The following ARHGAP44 variants were observed in gnomAD, a reference collection of about 807,000 sequenced individuals.
ARHGAP44 encodes the protein Rho GTPase activating protein 44.
A neutral mutation model predicts 106.8 loss-of-function variants in ARHGAP44; 43 were observed. That is an observed-to-expected ratio of 0.40 (90% CI 0.32 to 0.52). ARHGAP44 has a LOEUF of 0.52. Ranked by LOEUF, ARHGAP44 falls within the 20% of genes least tolerant of loss-of-function variation. ARHGAP44 has a pLI of 0.48. For missense variants in ARHGAP44, 866 were observed against 1,050.5 expected (o/e 0.82, Z 2.43); for synonymous variants, 439 against 410.3 (o/e 1.07, Z -0.85).
chr17:12,891,012 C>T (rs1337365457), intron 1 of ARHGAP44, among the ~76,000 whole-genome samples: 1 of 152,172 alleles, frequency 6.6e-6, no homozygotes, highest in African/African-American at 2.4e-5. Context: ...ATTTTTCATT[C>T]TCATGTAAGA....
intron 7 of ARHGAP44, among the ~76,000 whole-genome samples, chr17:12,934,775 C>T (rs1400781847): frequency 6.6e-6 from 1 of 152,122 alleles, no homozygotes; most frequent in Non-Finnish European, 1.5e-5. Context: ...GGAGTGAACC[C>T]CTAAGTAGAC....
intron 6 of ARHGAP44, among the ~76,000 whole-genome samples, chr17:12,922,377 C>G (rs1028224169): frequency 6.6e-6 from 1 of 152,174 alleles, no homozygotes; most frequent in African/African-American, 2.4e-5. Flanking sequence ...CCTCTATGAC[C>G]TTGTGCCACG....
At chr17:12,885,553 G>A (rs1319349646) in intron 1 of ARHGAP44, among the ~76,000 whole-genome samples, 1 of 152,102 alleles carries the variant, frequency 6.6e-6, no homozygotes, top group Admixed American at 6.6e-5. Context: ...TTGTGTGTGT[G>A]TGTGTTGTCA....
rs2039116388 is a variant in ARHGAP44 at position 12,955,935 on chromosome 17, T to C, written c.1205T>C (p.Met402Thr). ...QDVNKMTPSN[M>T]AIVLGPNLLW... is the part of the protein sequence containing the mutation. ...GTAAACAAGATGACTCCCAGTAATA[T>C]GGCAATTGTTTTAGGACCCAACCTC... The change falls in exon 14 of 21, where the codon ATG (methionine) becomes ACG (threonine). Residue 402 changes from methionine (M) to threonine (T), a missense_variant. Physicochemically the swap from Met to Thr is moderately conservative, Grantham distance 81 (BLOSUM62 -1). Around this residue, in one of 2 missense-constraint regions of ARHGAP44, gnomAD observed 448 missense variants for 646.9 expected, o/e 0.69. Coordinates refer to ENST00000379672, the MANE Select transcript of ARHGAP44 (RefSeq NM_014859.6). 6 of 1,613,424 alleles carry C rather than the reference T, an allele frequency of 3.7e-6. No individual in the cohort carries two copies. Among genetic ancestry groups the C allele is most frequent in the Non-Finnish European group, 5.1e-6 (6 of 1,179,828 alleles).
intron 1 of ARHGAP44, among the ~76,000 whole-genome samples, chr17:12,792,105 G>A (rs1338174243): frequency 6.6e-6 from 1 of 151,956 alleles, no homozygotes; most frequent in Non-Finnish European, 1.5e-5. Flanking sequence ...GGCCTTTCTT[G>A]CCCCAAACAC....
At chr17:12,888,500 T>C (rs2150909208) in intron 1 of ARHGAP44, among the ~76,000 whole-genome samples, 1 of 152,290 alleles carries the variant, frequency 6.6e-6, no homozygotes, top group South Asian at 2.1e-4. Context: ...GTTTTGTAGT[T>C]CCAGATGCTG....
At chr17:12,883,827 C>G (rs553855526) in intron 1 of ARHGAP44, among the ~76,000 whole-genome samples, 13 of 152,234 alleles carry the variant, frequency 8.5e-5, no homozygotes, top group Admixed American at 2.0e-4. Context: ...GCTATCTTAT[C>G]CTTTTCAAAT....
chr17:12,850,539 A>G (rs2035709046), intron 1 of ARHGAP44, among the ~76,000 whole-genome samples: 1 of 152,084 alleles, frequency 6.6e-6, no homozygotes, highest in Admixed American at 6.6e-5. Context: ...GCTCTGGCAA[A>G]GTTCACCTCT....
intron 1 of ARHGAP44, among the ~76,000 whole-genome samples, chr17:12,840,350 G>C (rs2035354829): frequency 6.6e-6 from 1 of 152,124 alleles, no homozygotes. Flanking sequence ...GCCATGTCTT[G>C]GTTGTACTGT....
intron 1 of ARHGAP44, among the ~76,000 whole-genome samples, chr17:12,880,376 T>A (rs1051584707): frequency 2.0e-5 from 3 of 152,136 alleles, no homozygotes; most frequent in African/African-American, 7.2e-5. Flanking sequence ...CATTAAAAAT[T>A]TTGTATTTAT....
intron 16 of ARHGAP44, among the ~76,000 whole-genome samples, chr17:12,966,815 G>C (rs1432429138): frequency 1.3e-5 from 2 of 152,124 alleles, no homozygotes; most frequent in Non-Finnish European, 2.9e-5. Context: ...CCATGTATTG[G>C]CTGACACCTC....
intron 7 of ARHGAP44, among the ~76,000 whole-genome samples, chr17:12,936,476 A>C (rs1471879672): frequency 6.6e-6 from 1 of 152,194 alleles, no homozygotes; most frequent in Non-Finnish European, 1.5e-5. Flanking sequence ...GGCTTCTTTC[A>C]CATAGTAATA....
At chr17:12,959,844 G>A (rs898902254) in intron 16 of ARHGAP44, among the ~76,000 whole-genome samples, 1 of 152,252 alleles carries the variant, frequency 6.6e-6, no homozygotes, top group African/African-American at 2.4e-5. Context: ...GCAGACAACA[G>A]GAAGTAACCT....
At position 12,949,577 on chromosome 17, in the gene ARHGAP44, G is replaced by C; in HGVS notation, c.974-72G>C. The C allele has an allele frequency of 7.1e-7, 1 of 1,414,644 alleles. No homozygotes were observed. Among genetic ancestry groups the C allele is most frequent in the Non-Finnish European group, 9.9e-7 (1 of 1,008,536 alleles). 87.6% of individuals were successfully genotyped at this position (1,414,644 alleles called of 1,614,324 possible). A position where few individuals can be genotyped will look rare whatever the true frequency, so the allele number is the denominator to read the frequency against. ...CCATCCCCAGATGGAACCCACATAG[G>C]CAGTGCTGGCTGGTGGGTCTTGCCT... On this transcript the variant is annotated intron_variant, in intron 11 of 20. Transcript: ENST00000379672. This position sits in a 1 kb window ranked among gnomAD's most constrained non-coding sequence, Gnocchi z 4.1.
In ARHGAP44 at chr17:12,854,713, C is replaced by G. The variant is rs1010190608; in HGVS notation, c.54-40227C>G. Among the ~76,000 whole-genome samples the G allele has an allele frequency of 5.3e-5, 8 of 152,206 alleles. No homozygotes were observed. The East Asian group carries it at 1.5e-3, about 29-fold the overall frequency. On this transcript the variant is annotated intron_variant, in intron 1 of 20. Transcript: ENST00000379672. ...GTGGCTCATGCCTGTAATCCCAGCA[C>G]TTTGGAAGGCTGAGGCGGGCGGATC...
At chr17:12,816,832 T>G (rs2034612178) in intron 1 of ARHGAP44, among the ~76,000 whole-genome samples, 1 of 152,184 alleles carries the variant, frequency 6.6e-6, no homozygotes, top group Admixed American at 6.5e-5. Flanking sequence ...GACACTCCTG[T>G]CTTAGTTATT....
chr17:12,826,016 A>T (rs78217643), intron 1 of ARHGAP44, among the ~76,000 whole-genome samples: 474 of 152,286 alleles, frequency 3.1e-3, no homozygotes, highest in African/African-American at 0.01. Context: ...TTTTGTTGAT[A>T]AACAGTTTTG....
intron 16 of ARHGAP44, among the ~76,000 whole-genome samples, chr17:12,964,370 A>T (rs574814281): frequency 4.9e-4 from 75 of 152,264 alleles, no homozygotes; most frequent in African/African-American, 1.8e-3. Flanking sequence ...TGGAGCCAGC[A>T]TTGGGCTTTG....
At chr17:12,953,000 T>C (rs1214923668) in intron 13 of ARHGAP44, among the ~76,000 whole-genome samples, 1 of 152,062 alleles carries the variant, frequency 6.6e-6, no homozygotes, top group Non-Finnish European at 1.5e-5. Flanking sequence ...AAGCGAACCA[T>C]TGGCTAATTC....
Sources: gnomAD v4.1 joint callset for allele counts (sites outside exome capture counted in the v4.1 genomes callset) on GRCh38, gnomAD v4.1.1 for gene constraint, gnomAD v4.1.1 regional missense constraint, Gnocchi (gnomAD v3.1) non-coding constraint, MANE v1.5 for transcripts, NCBI Gene and HGNC (gene_info 2026-07-23, HGNC 2026-07-21) for gene names.